TMEM117: variants seen among roughly 807,000 people sequenced by gnomAD.
The protein encoded by TMEM117 is transmembrane protein 117.
A neutral mutation model predicts 52.4 loss-of-function variants in TMEM117; 27 were observed. The ratio of observed to expected loss-of-function variants is 0.51; its 90% CI spans 0.38 to 0.71. The LOEUF is 0.71. TMEM117 is among the 30% of genes least tolerant of loss of function. The probability of loss-of-function intolerance (pLI) is 0.00; values close to 1 mark genes in which losing one functional copy is unlikely to be tolerated. For missense variants in TMEM117, 556 were observed against 630.5 expected (o/e 0.88, Z 1.26); for synonymous variants, 215 against 206.3 (o/e 1.04, Z -0.36).
intron 5 of TMEM117, among the ~76,000 whole-genome samples, chr12:44,258,129 C>G (rs988513781): frequency 2.6e-5 from 4 of 152,054 alleles, no homozygotes; most frequent in African/African-American, 9.7e-5. Context: ...TTGAATTCAA[C>G]TCTGTAGCTA....
At chr12:43,844,212 A>G (rs1259960884) in intron 1 of TMEM117, among the ~76,000 whole-genome samples, 2 of 152,198 alleles carry the variant, frequency 1.3e-5, no homozygotes, top group Non-Finnish European at 2.9e-5. Flanking sequence ...CTGTGGCCAC[A>G]GCTACTGGGG....
the TMEM117 span, chr12:43,806,048 C>G: frequency 9.2e-6 from 14 of 1,518,444 alleles, no homozygotes; most frequent in South Asian, 1.3e-4. Flanking sequence ...AGGACGCAGG[C>G]CGGCAGCGCC....
rs534209768 is a variant in TMEM117 at position 43,918,997 on chromosome 12, T to C, written c.278-25213T>C. Among the ~76,000 whole-genome samples, 200 of 152,340 alleles carry C rather than the reference T, an allele frequency of 1.3e-3. 1 individual carries two copies. Among genetic ancestry groups the C allele is most frequent in the African/African-American group, 4.6e-3 (192 of 41,572 alleles). On this transcript the variant is annotated intron_variant, in intron 2 of 7. Transcript: ENST00000266534. ...GGCTCTTCTTTAATTTCCAGTTTCC[T>C]GCAAGTATTAAGTGAGCCACATAAG... is the stretch of plus-strand genomic sequence containing the variant.
At chr12:43,917,940 T>G (rs115667463) in intron 2 of TMEM117, among the ~76,000 whole-genome samples, 1 of 152,184 alleles carries the variant, frequency 6.6e-6, no homozygotes, top group Non-Finnish European at 1.5e-5. Context: ...TCTATTCCAG[T>G]CACTTGGTCT....
intron 2 of TMEM117, among the ~76,000 whole-genome samples, chr12:43,850,337 G>T (rs865875238): frequency 6.6e-5 from 10 of 152,188 alleles, no homozygotes; most frequent in African/African-American, 2.4e-4. Context: ...TTGACCTGCA[G>T]AACCACCAAC....
Position 44,388,229 on chromosome 12 carries a change from C to A in TMEM117, c.1102C>A (p.Pro368Thr), listed in dbSNP as rs1248874791. Residue 368 changes from proline to threonine, a missense_variant, in exon 8 of 8, where the codon CCT (proline) becomes ACT (threonine). Pro to Thr is a conservative substitution (Grantham distance 38). Coordinates refer to ENST00000266534, the MANE Select transcript of TMEM117 (RefSeq NM_032256.3). ...SWEWRSNHTNPRTNKTYVEGD... is the reference protein window; with the variant it reads ...SWEWRSNHTNTRTNKTYVEGD... ...GGAATGGAGGTCCAATCACACTAAC[C>A]CTCGGACTAATAAAACATATGTTGA... 1 of 1,613,414 alleles carries A rather than the reference C, an allele frequency of 6.2e-7. No individual in the cohort carries two copies. The highest frequency in any genetic ancestry group is 8.5e-7 in the Non-Finnish European group (1 of 1,179,608).
At chr12:44,042,132 C>A (rs1474253788) in intron 3 of TMEM117, among the ~76,000 whole-genome samples, 1 of 152,196 alleles carries the variant, frequency 6.6e-6, no homozygotes, top group Admixed American at 6.5e-5. Flanking sequence ...ATCTGATGTA[C>A]AACTTCAGCA....
At chr12:44,270,580 T>C (rs1031667541) in intron 5 of TMEM117, among the ~76,000 whole-genome samples, 1 of 152,120 alleles carries the variant, frequency 6.6e-6, no homozygotes, top group African/African-American at 2.4e-5. Flanking sequence ...TTTTACTTCC[T>C]CTTTACTGAC....
At chr12:44,038,934 A>G (rs1476085727) in intron 3 of TMEM117, among the ~76,000 whole-genome samples, 7 of 152,218 alleles carry the variant, frequency 4.6e-5, no homozygotes, top group Non-Finnish European at 8.8e-5. Context: ...TCATCAATTC[A>G]TGGTTACTCT....
In TMEM117 at chr12:44,323,612, T is replaced by C. The variant is rs546803800; in HGVS notation, c.768+23873T>C. ...GCTAAAACATTAAGAAAATAACTTA[T>C]TGTTTTATCAGGAATTTATGATGAA... On this transcript the variant is annotated intron_variant, in intron 6 of 7. Coordinates refer to ENST00000266534, the MANE Select transcript of TMEM117 (RefSeq NM_032256.3). 9.8e-5 allele frequency among the ~76,000 whole-genome samples: 15 copies of C among 152,310 alleles called. No homozygotes were observed. The South Asian group carries it at 3.1e-3, about 32-fold the overall frequency.
intron 5 of TMEM117, among the ~76,000 whole-genome samples, chr12:44,245,585 T>G (rs943122947): frequency 6.9e-6 from 1 of 145,458 alleles, no homozygotes; most frequent in Admixed American, 6.8e-5. Flanking sequence ...GTTCTAACGT[T>G]TTTTTTTTTG....
chr12:43,815,422 G>A, the TMEM117 span, among the ~76,000 whole-genome samples: 1 of 152,184 alleles, frequency 6.6e-6, no homozygotes, highest in African/African-American at 2.4e-5. Flanking sequence ...TCTTAGTTCT[G>A]TCAATAGAAT....
At chr12:44,373,250 A>T (rs1368981007) in intron 6 of TMEM117, among the ~76,000 whole-genome samples, 3 of 152,178 alleles carry the variant, frequency 2.0e-5, no homozygotes, top group Non-Finnish European at 4.4e-5. Flanking sequence ...AGAAACCAGT[A>T]AGCTCCTGTT....
chr12:44,328,221 A>G (rs1344330253), intron 6 of TMEM117, among the ~76,000 whole-genome samples: 1 of 152,196 alleles, frequency 6.6e-6, no homozygotes, highest in Non-Finnish European at 1.5e-5. Context: ...AAAACAGTGC[A>G]TAACCCTCTA....
intron 4 of TMEM117, among the ~76,000 whole-genome samples, chr12:44,146,422 A>T (rs981367151): frequency 1.3e-5 from 2 of 152,242 alleles, no homozygotes; most frequent in African/African-American, 2.4e-5. Context: ...TGTGATCTTA[A>T]GTCACCTAAC....
At chr12:44,336,436 A>G (rs1261456561) in intron 6 of TMEM117, among the ~76,000 whole-genome samples, 2 of 152,034 alleles carry the variant, frequency 1.3e-5, no homozygotes, top group Admixed American at 6.6e-5. Flanking sequence ...ATTTGCCATG[A>G]GCTACTAATT....
Position 44,147,077 on chromosome 12 carries a change from A to G in TMEM117, c.510+3453A>G, listed in dbSNP as rs1402114618. Among the ~76,000 whole-genome samples, 3 of 152,306 alleles carry G rather than the reference A, an allele frequency of 2.0e-5. No homozygotes were observed. The East Asian group carries it at 5.8e-4, about 29-fold the overall frequency. On this transcript the variant is annotated intron_variant, in intron 4 of 7. Transcript: ENST00000266534. ...TCCCCATGCAGAGGACAAGAGATATATAACTCAGGGTTAAGGGTACTAATT... is the reference window on the plus strand; with the variant it reads ...TCCCCATGCAGAGGACAAGAGATATGTAACTCAGGGTTAAGGGTACTAATT...
intron 5 of TMEM117, among the ~76,000 whole-genome samples, chr12:44,281,110 TA>T (rs1043200235): frequency 1.3e-5 from 2 of 152,190 alleles, no homozygotes; most frequent in African/African-American, 4.8e-5. Flanking sequence ...TTAGATGCTT[TA>T]AAAAATCTTT....
rs1271633334 is a variant in TMEM117 at position 44,311,899 on chromosome 12, A to ATATATATGTG, written c.768+12167_768+12168insGTGTATATAT. Among the ~76,000 whole-genome samples the ATATATATGTG allele has an allele frequency of 9.7e-3, 1,269 of 131,470 alleles. 80 individuals are homozygous for ATATATATGTG. The highest frequency in any genetic ancestry group is 0.015 in the Admixed American group (191 of 13,168). The allele number at this position is 131,470 out of a possible 152,430, so 86.2% of individuals were successfully genotyped here. Reference sequence around the variant, plus strand: ...TATGTATATATGTATATATATGTGTATATATATATGTGTGTATATATATAT... The same window carrying ATATATATGTG: ...TATGTATATATGTATATATATGTGTATATATATGTGTATATATATGTGTGTATATATATAT... On this transcript the variant is annotated intron_variant, in intron 6 of 7. Coordinates refer to ENST00000266534, the MANE Select transcript of TMEM117 (RefSeq NM_032256.3).
Sources: gnomAD v4.1 joint callset for allele counts (sites outside exome capture counted in the v4.1 genomes callset) on GRCh38, gnomAD v4.1.1 for gene constraint, MANE v1.5 for transcripts, NCBI Gene and HGNC (gene_info 2026-07-23, HGNC 2026-07-21) for gene names.